The following ZDHHC14 variants were observed in gnomAD, a reference collection of about 807,000 sequenced individuals.
ZDHHC14 encodes the protein palmitoyltransferase ZDHHC14.
A neutral mutation model predicts 47.7 loss-of-function variants in ZDHHC14; 16 were observed. The observed-to-expected ratio is 0.34, with a 90% confidence interval of 0.23 to 0.51. ZDHHC14 has a LOEUF of 0.51. Ranked by LOEUF, ZDHHC14 falls within the 20% of genes least tolerant of loss-of-function variation. The pLI is 0.97. For missense variants in ZDHHC14, 515 were observed against 662.5 expected (o/e 0.78, Z 2.44); for synonymous variants, 293 against 278.9 (o/e 1.05, Z -0.50).
At chr6:157,631,477 G>T (rs1446634838) in intron 4 of ZDHHC14, 1 of 152,196 alleles carries the variant, frequency 6.6e-6, no homozygotes. Flanking sequence ...GGCTTGGCAT[G>T]TGATGCTTCA....
rs1468148388 is a variant in ZDHHC14, at chr6:157,502,030, C to G, written c.246-40555C>G. On this transcript the variant is annotated intron_variant, in intron 1 of 8. Transcript: ENST00000359775. This position sits in a 1 kb window ranked among gnomAD's most constrained non-coding sequence, Gnocchi z 4.0. ...ATGGCATTAACACCACAGATATGTA[C>G]GGAGCACTTATGATGTATTCTCATA... is the stretch of plus-strand genomic sequence containing the variant. 6.6e-6 allele frequency among the ~76,000 whole-genome samples: 1 copy of G among 152,140 alleles called. No individual in the cohort carries two copies. The highest frequency in any genetic ancestry group is 1.5e-5 in the Non-Finnish European group (1 of 68,028).
At chr6:157,581,473 C>T (rs1783519102) in intron 2 of ZDHHC14, among the ~76,000 whole-genome samples, 1 of 151,982 alleles carries the variant, frequency 6.6e-6, no homozygotes, top group Admixed American at 6.6e-5. Context: ...TCCTGAATAT[C>T]TTTGTTAATT....
chr6:157,402,612 T>G (rs1777667659), intron 1 of ZDHHC14, among the ~76,000 whole-genome samples: 1 of 152,212 alleles, frequency 6.6e-6, no homozygotes, highest in Non-Finnish European at 1.5e-5. Context: ...AGTGTGAGAT[T>G]TTTTGGACAA....
intron 2 of ZDHHC14, among the ~76,000 whole-genome samples, chr6:157,576,878 T>C (rs1322357922): frequency 6.6e-6 from 1 of 152,166 alleles, no homozygotes; most frequent in Non-Finnish European, 1.5e-5. Context: ...TTTTTTTAAC[T>C]TTTATTTTGG....
intron 3 of ZDHHC14, 58 bp from the exon 4 acceptor site, chr6:157,628,291 A>G: frequency 6.4e-7 from 1 of 1,568,522 alleles, no homozygotes. Context: ...TCCTGCAAGT[A>G]AAAAGACATT....
intron 2 of ZDHHC14, among the ~76,000 whole-genome samples, chr6:157,590,339 G>A (rs1015438533): frequency 1.3e-5 from 2 of 152,182 alleles, no homozygotes; most frequent in African/African-American, 2.4e-5. Flanking sequence ...CAGGCCCAGA[G>A]GTCTAGGAGG....
At chr6:157,521,493 G>A (rs1780912635) in intron 1 of ZDHHC14, among the ~76,000 whole-genome samples, 2 of 152,294 alleles carry the variant, frequency 1.3e-5, no homozygotes, top group Admixed American at 6.5e-5. Flanking sequence ...TCAAGGAGCT[G>A]GCAGATTTGG....
At chr6:157,509,926 C>T (rs1780420949) in intron 1 of ZDHHC14, among the ~76,000 whole-genome samples, 2 of 152,354 alleles carry the variant, frequency 1.3e-5, no homozygotes, top group South Asian at 4.1e-4. Context: ...CCACTCTGCT[C>T]TCACTTCCCT....
At chr6:157,507,417 G>A (rs1780353725) in intron 1 of ZDHHC14, among the ~76,000 whole-genome samples, 1 of 151,794 alleles carries the variant, frequency 6.6e-6, no homozygotes, top group African/African-American at 2.4e-5. Flanking sequence ...CTGGGTAGCT[G>A]GGATTACAGG....
chr6:157,622,391 A>G (rs1349423748), intron 3 of ZDHHC14, among the ~76,000 whole-genome samples: 4 of 152,160 alleles, frequency 2.6e-5, no homozygotes, highest in African/African-American at 9.7e-5. Flanking sequence ...GCTCCATTTC[A>G]AAATATAAAT....
intron 2 of ZDHHC14, among the ~76,000 whole-genome samples, chr6:157,585,572 T>G (rs766268013): frequency 6.6e-6 from 1 of 152,200 alleles, no homozygotes; most frequent in Non-Finnish European, 1.5e-5. Flanking sequence ...GCTAGAACAC[T>G]GAAGAAAAAG....
chr6:157,597,855 G>A (rs144945687), intron 3 of ZDHHC14, among the ~76,000 whole-genome samples: 1,576 of 152,346 alleles, frequency 0.01, 29 homozygotes, highest in African/African-American at 0.034. Flanking sequence ...TTTTTGGTGT[G>A]GGTGCCACAA....
chr6:157,564,693 A>G (rs1782834788), intron 2 of ZDHHC14, among the ~76,000 whole-genome samples: 1 of 152,212 alleles, frequency 6.6e-6, no homozygotes, highest in South Asian at 2.1e-4. Context: ...TTACATTTTG[A>G]TTTCACAGCA....
chr6:157,479,051 G>A (rs929217574), intron 1 of ZDHHC14, among the ~76,000 whole-genome samples: 1 of 152,166 alleles, frequency 6.6e-6, no homozygotes, highest in Admixed American at 6.5e-5. Context: ...TCTCCTCCCT[G>A]TAATCCTCAC....
intron 1 of ZDHHC14, among the ~76,000 whole-genome samples, chr6:157,430,330 AAAG>A (rs2114780210): frequency 6.6e-6 from 1 of 151,962 alleles, no homozygotes; most frequent in African/African-American, 2.4e-5. Context: ...AAAAAAAAAA[AAAG>A]CATACATTTA....
Position 157,504,439 on chromosome 6 carries a change from C to T in ZDHHC14, c.246-38146C>T, listed in dbSNP as rs568736952. On this transcript the variant is annotated intron_variant, in intron 1 of 8. Coordinates refer to ENST00000359775, the MANE Select transcript of ZDHHC14 (RefSeq NM_024630.3). ...CTGGGATTACAGGCGTGAGCCACCG[C>T]ACCCAGCCTATTTTTTTTTTTTTTT... is the stretch of plus-strand genomic sequence containing the variant. Among the ~76,000 whole-genome samples, 367 of 146,736 alleles carry T rather than the reference C, an allele frequency of 2.5e-3. 1 individual carries two copies. Among genetic ancestry groups the T allele is most frequent in the African/African-American group, 9.2e-3 (358 of 38,788 alleles).
At chr6:157,621,756 A>T (rs1311292251) in intron 3 of ZDHHC14, among the ~76,000 whole-genome samples, 2 of 152,208 alleles carry the variant, frequency 1.3e-5, no homozygotes, top group Non-Finnish European at 2.9e-5. Flanking sequence ...CAGCCTTCAG[A>T]TACAACTTTT....
At chr6:157,574,443 G>A (rs756755929) in intron 2 of ZDHHC14, among the ~76,000 whole-genome samples, 1 of 152,052 alleles carries the variant, frequency 6.6e-6, no homozygotes, top group Non-Finnish European at 1.5e-5. Flanking sequence ...TGGAGCACCC[G>A]TGTCATTGCT....
chr6:157,642,037 G>GATAT (rs918772572), intron 5 of ZDHHC14, among the ~76,000 whole-genome samples: 12 of 147,854 alleles, frequency 8.1e-5, no homozygotes, highest in Non-Finnish European at 1.5e-4. Flanking sequence ...TAGATAGATA[G>GATAT]ATAGATAGAT....
Sources: allele counts gnomAD v4.1 joint callset (sites outside exome capture counted in the v4.1 genomes callset), GRCh38; gene constraint gnomAD v4.1.1; non-coding constraint Gnocchi (gnomAD v3.1); transcripts MANE v1.5; gene names NCBI Gene and HGNC (gene_info 2026-07-23, HGNC 2026-07-21).